The following RNF145 variants were observed in gnomAD, a reference collection of about 807,000 sequenced individuals.
RNF145 encodes ring finger protein 145.
Under a neutral mutation model 57.3 loss-of-function variants are expected in RNF145, and 12 were observed. That is an observed-to-expected ratio of 0.21 (90% CI 0.13 to 0.34). The LOEUF (loss-of-function observed/expected upper bound fraction) is 0.34, where lower values mean the gene tolerates loss of function less well. Among genes scored for constraint, RNF145 ranks in the 10% least tolerant of loss-of-function variants. RNF145 has a pLI of 1.00. For synonymous variants in RNF145, 262 were observed against 288.3 expected (o/e 0.91, Z 0.92); for missense variants, 429 against 799.0 (o/e 0.54, Z 5.58).
intron 8 of RNF145, among the ~76,000 whole-genome samples, chr5:159,164,121 C>T (rs79248246): frequency 2.4e-3 from 367 of 152,166 alleles, no homozygotes; most frequent in African/African-American, 8.2e-3. Context: ...AGGTCAAATG[C>T]TATACAGTGT....
At chr5:159,193,627 G>T (rs917974438) in intron 3 of RNF145, among the ~76,000 whole-genome samples, 1 of 152,100 alleles carries the variant, frequency 6.6e-6, no homozygotes, top group Non-Finnish European at 1.5e-5. Context: ...TCTCTGGGTG[G>T]TATAATTTCA....
chr5:159,193,225 G>A (rs1474457008), intron 3 of RNF145, among the ~76,000 whole-genome samples: 2 of 152,196 alleles, frequency 1.3e-5, no homozygotes, highest in South Asian at 2.1e-4. Flanking sequence ...AACACAGCTT[G>A]ATTTAAACAT....
intron 4 of RNF145, among the ~76,000 whole-genome samples, chr5:159,178,225 T>C (rs1452551299): frequency 6.6e-6 from 1 of 151,968 alleles, no homozygotes; most frequent in Non-Finnish European, 1.5e-5. Flanking sequence ...TACATTTGAT[T>C]TATTGTGGAA....
chr5:159,201,196 C>T (rs1296607100), intron 2 of RNF145, among the ~76,000 whole-genome samples: 2 of 152,130 alleles, frequency 1.3e-5, no homozygotes, highest in Non-Finnish European at 2.9e-5. Flanking sequence ...AGAGGGCCAA[C>T]CTTCTGCATA....
chr5:159,190,595 G>T (rs2113196938), intron 3 of RNF145, among the ~76,000 whole-genome samples: 1 of 151,124 alleles, frequency 6.6e-6, no homozygotes, highest in South Asian at 2.1e-4. Flanking sequence ...AGAGGCTGAG[G>T]TGGGAGAAGT....
chr5:159,177,121 G>A (rs1261108705), intron 4 of RNF145, among the ~76,000 whole-genome samples: 1 of 152,060 alleles, frequency 6.6e-6, no homozygotes, highest in African/African-American at 2.4e-5. Flanking sequence ...CTGGTCGTCT[G>A]TGATGCCATG....
chr5:159,161,024 T>C (rs1784199118), intron 10 of RNF145: 1 of 410,242 alleles, frequency 2.4e-6, no homozygotes, highest in East Asian at 4.4e-5. Flanking sequence ...CCTTTATTTA[T>C]GGGTGAGCAA....
At chr5:159,166,774 C>T (rs745812436) in intron 8 of RNF145, among the ~76,000 whole-genome samples, 9 of 152,128 alleles carry the variant, frequency 5.9e-5, no homozygotes, top group African/African-American at 1.9e-4. Context: ...ATTGGGATTA[C>T]GATGGCTTCA....
At chr5:159,198,235 A>G (rs944254994) in intron 2 of RNF145, among the ~76,000 whole-genome samples, 1 of 117,632 alleles carries the variant, frequency 8.5e-6, no homozygotes, top group Admixed American at 9.9e-5. Context: ...GTGAGACTCT[A>G]TCTCTAAATA....
rs1435999859 is a variant in RNF145 at position 159,158,053 on chromosome 5, C to G, written c.*617G>C. The G allele has an allele frequency of 1.3e-5, 2 of 152,584 alleles. No individual in the cohort carries two copies. The highest frequency in any genetic ancestry group is 2.9e-5 in the Non-Finnish European group (2 of 68,124). The allele number at this position is 152,584 out of a possible 1,614,324, so 9.5% of individuals were successfully genotyped here. Reference sequence around the variant, plus strand: ...GCACCCGCAAGGCCCAAGTGCCCACCCACCCCTTCCCTAAAGCACATACAA... The same window carrying G: ...GCACCCGCAAGGCCCAAGTGCCCACGCACCCCTTCCCTAAAGCACATACAA... On this transcript the variant is annotated 3_prime_UTR_variant, in exon 11 of 11. Transcript: ENST00000424310.
rs542820849 is a variant in RNF145, at chr5:159,179,411, T to C, written c.386-2544A>G. ...CACTATTAGAAATATCTCCAAGAGG[T>C]TGGCAACCCTAAGAAATCATGGCAT... is the stretch of plus-strand genomic sequence containing the variant. On this transcript the variant is annotated intron_variant, in intron 4 of 10. Transcript: ENST00000424310. Among the ~76,000 whole-genome samples, 9 of 152,204 alleles carry C rather than the reference T, an allele frequency of 5.9e-5. No individual in the cohort carries two copies. In the East Asian group the frequency reaches 9.7e-4, roughly 16 times the overall value.
intron 10 of RNF145, among the ~76,000 whole-genome samples, chr5:159,159,376 A>T (rs1199728185): frequency 6.6e-6 from 1 of 152,228 alleles, no homozygotes; most frequent in Non-Finnish European, 1.5e-5. Context: ...CTGGTATGAC[A>T]AGAGTATAAT....
At chr5:159,207,360 T>C (rs909851127) in intron 1 of RNF145, 105 of 692,268 alleles carry the variant, frequency 1.5e-4, no homozygotes, top group Admixed American at 6.6e-4. Flanking sequence ...CTCCTAAACT[T>C]TTTTTTAAAA....
At chr5:159,186,231 G>C (rs1243463852) in intron 3 of RNF145, among the ~76,000 whole-genome samples, 2 of 151,468 alleles carry the variant, frequency 1.3e-5, no homozygotes, top group African/African-American at 4.8e-5. Flanking sequence ...TCTCAAAAAA[G>C]AAAGAAAGAA....
chr5:159,162,875 T>C, intron 9 of RNF145, 57 bp downstream of exon 9: 1 of 1,420,054 alleles, frequency 7.0e-7, no homozygotes, highest in Non-Finnish European at 9.5e-7. Context: ...ATTCCTCCTC[T>C]GGGAGGAAAA....
At chr5:159,186,942 C>A (rs1444082389) in intron 3 of RNF145, among the ~76,000 whole-genome samples, 2 of 151,576 alleles carry the variant, frequency 1.3e-5, no homozygotes, top group Non-Finnish European at 2.9e-5. Flanking sequence ...AAGATTGCAC[C>A]ATTGCACTCC....
intron 2 of RNF145, among the ~76,000 whole-genome samples, chr5:159,199,674 T>C (rs1785595116): frequency 6.6e-6 from 1 of 152,162 alleles, no homozygotes; most frequent in South Asian, 2.1e-4. Context: ...CGCTGCCTAA[T>C]CAATCTTAAA....
At chr5:159,183,323 A>T (rs984973384) in intron 3 of RNF145, among the ~76,000 whole-genome samples, 3 of 152,192 alleles carry the variant, frequency 2.0e-5, no homozygotes, top group Non-Finnish European at 4.4e-5. Context: ...ACCTCTGGAA[A>T]CATTTTTGGT....
rs560550041 is a variant in RNF145 at position 159,199,889 on chromosome 5, C to A, written c.184+3545G>T. 1.7e-4 allele frequency among the ~76,000 whole-genome samples: 26 copies of A among 152,296 alleles called. No homozygotes were observed. The South Asian group carries it at 4.6e-3, about 27-fold the overall frequency. On this transcript the variant is annotated intron_variant, in intron 2 of 10. Transcript: ENST00000424310. ...CAGCAGAACCCACCCTGGAAAGCTTCTAAGTTTGAAGACACAATTACATTC... is the reference window on the plus strand; with the variant it reads ...CAGCAGAACCCACCCTGGAAAGCTTATAAGTTTGAAGACACAATTACATTC...
Sources: gnomAD v4.1 joint callset for allele counts (sites outside exome capture counted in the v4.1 genomes callset) on GRCh38, gnomAD v4.1.1 for gene constraint, MANE v1.5 for transcripts, NCBI Gene and HGNC (gene_info 2026-07-23, HGNC 2026-07-21) for gene names.